CTNND2: variants seen among roughly 807,000 people sequenced by gnomAD.
The protein encoded by CTNND2 is catenin delta 2.
A neutral mutation model predicts 144.4 loss-of-function variants in CTNND2; 22 were observed. The observed-to-expected ratio is 0.15, with a 90% CI of 0.11 to 0.22. The LOEUF is 0.22. CTNND2 is among the 10% of genes least tolerant of loss of function. The pLI, the probability that CTNND2 is intolerant of heterozygous loss-of-function variation, is 1.00. For missense variants in CTNND2, 1,353 were observed against 1,618.8 expected (o/e 0.84, Z 2.82); for synonymous variants, 751 against 695.6 (o/e 1.08, Z -1.25).
chr5:11,806,116 A>C (rs939651850), intron 1 of CTNND2, among the ~76,000 whole-genome samples: 3 of 152,186 alleles, frequency 2.0e-5, no homozygotes, highest in African/African-American at 7.2e-5. Context: ...GAAGAGACAA[A>C]AAGACATTAG....
intron 3 of CTNND2, among the ~76,000 whole-genome samples, chr5:11,428,112 C>G (rs1220479547): frequency 6.6e-6 from 1 of 152,062 alleles, no homozygotes; most frequent in African/African-American, 2.4e-5. Flanking sequence ...ATTACCTTCC[C>G]CTGGGTCCCT....
At chr5:11,712,265 T>G (rs1011122213) in intron 2 of CTNND2, among the ~76,000 whole-genome samples, 1 of 152,188 alleles carries the variant, frequency 6.6e-6, no homozygotes, top group Non-Finnish European at 1.5e-5. Context: ...TTTCAGGGTC[T>G]CTGAGCTAAC....
chr5:11,209,193 C>T (rs572515162), intron 10 of CTNND2, among the ~76,000 whole-genome samples: 68 of 152,190 alleles, frequency 4.5e-4, no homozygotes, highest in African/African-American at 1.6e-3. Flanking sequence ...TAGAACATGA[C>T]AAAATGATTC....
intron 2 of CTNND2, among the ~76,000 whole-genome samples, chr5:11,725,665 T>C (rs1786976361): frequency 1.3e-5 from 2 of 152,164 alleles, no homozygotes; most frequent in South Asian, 4.1e-4. Context: ...TCATAAAACA[T>C]ATTGAGCAAA....
chr5:11,278,567 A>T (rs375048105), intron 9 of CTNND2, among the ~76,000 whole-genome samples: 1 of 152,186 alleles, frequency 6.6e-6, no homozygotes, highest in South Asian at 2.1e-4. Flanking sequence ...CTCAGTGAGG[A>T]TGTGACATTT....
chr5:11,574,973 C>T (rs1000549078), intron 2 of CTNND2, among the ~76,000 whole-genome samples: 4 of 152,130 alleles, frequency 2.6e-5, no homozygotes, highest in Admixed American at 6.6e-5. Context: ...TTCCTTGTTC[C>T]TCAAGTCTAG....
At chr5:11,451,958 C>G (rs1052325924) in intron 3 of CTNND2, among the ~76,000 whole-genome samples, 2 of 152,234 alleles carry the variant, frequency 1.3e-5, no homozygotes, top group Admixed American at 6.5e-5. Flanking sequence ...CCAAAGTCCA[C>G]TTTCCTCTGC....
At position 11,315,343 on chromosome 5, in the gene CTNND2, C is replaced by T. The variant is rs10066867; in HGVS notation, c.1628+31029G>A. Among the ~76,000 whole-genome samples the T allele has an allele frequency of 5.0e-3, 752 of 151,886 alleles. 4 individuals carry two copies. The highest frequency in any genetic ancestry group is 0.017 in the African/African-American group (720 of 41,402). ...AGTGAAGATCTCAAATTCTTTTATA[C>T]TCCACATCTGAACAATATTGAAATA... On this transcript the variant is annotated intron_variant, in intron 9 of 21. Transcript: ENST00000304623.
At chr5:11,511,138 T>C (rs1371667867) in intron 3 of CTNND2, among the ~76,000 whole-genome samples, 2 of 152,188 alleles carry the variant, frequency 1.3e-5, no homozygotes, top group Non-Finnish European at 2.9e-5. Context: ...TGAGAGTTGA[T>C]TGGGGTAATT....
intron 3 of CTNND2, among the ~76,000 whole-genome samples, chr5:11,415,558 A>T (rs1384042759): frequency 6.6e-6 from 1 of 152,156 alleles, no homozygotes. Flanking sequence ...GTGAGCTGAG[A>T]TTGCGCCACT....
intron 2 of CTNND2, among the ~76,000 whole-genome samples, chr5:11,591,912 G>A (rs1368332882): frequency 6.6e-6 from 1 of 151,948 alleles, no homozygotes; most frequent in Non-Finnish European, 1.5e-5. Flanking sequence ...GATTGGGGAG[G>A]GGAGCAATTC....
At chr5:11,335,310 C>T (rs1753628472) in intron 9 of CTNND2, among the ~76,000 whole-genome samples, 1 of 152,202 alleles carries the variant, frequency 6.6e-6, no homozygotes, top group South Asian at 2.1e-4. Context: ...TCTCAAGAAG[C>T]AATGGAAATT....
At chr5:11,610,273 A>G (rs1411616263) in intron 2 of CTNND2, among the ~76,000 whole-genome samples, 1 of 152,182 alleles carries the variant, frequency 6.6e-6, no homozygotes, top group Non-Finnish European at 1.5e-5. Context: ...AATGTCATCA[A>G]GGAAATAACA....
At position 11,770,706 on chromosome 5, in the gene CTNND2, G is replaced by A. The variant is rs945706705; in HGVS notation, c.38-38434C>T. On this transcript the variant is annotated intron_variant, in intron 1 of 21. Transcript: ENST00000304623. ...GTCCTGGGACTGTTGGATTTGGGGC[G>A]CAAAGGAGTCAGCCAATCCTTCTTC... is the stretch of plus-strand genomic sequence containing the variant. 2.6e-4 allele frequency among the ~76,000 whole-genome samples: 39 copies of A among 152,116 alleles called. 1 individual carries two copies. The highest frequency in any genetic ancestry group is 3.9e-4 in the East Asian group (2 of 5,180).
At chr5:11,077,026 T>C (rs1194058378) in intron 16 of CTNND2, among the ~76,000 whole-genome samples, 3 of 152,168 alleles carry the variant, frequency 2.0e-5, no homozygotes, top group East Asian at 3.8e-4. Flanking sequence ...AAAACCCCCC[T>C]TTTTTAAGTT....
At chr5:11,463,242 C>T (rs1033023501) in intron 3 of CTNND2, among the ~76,000 whole-genome samples, 4 of 152,160 alleles carry the variant, frequency 2.6e-5, no homozygotes, top group African/African-American at 4.8e-5. Context: ...TACTTAGAAG[C>T]GTCTTCAGAG....
intron 2 of CTNND2, among the ~76,000 whole-genome samples, chr5:11,728,108 T>C (rs1236668191): frequency 6.6e-6 from 1 of 152,190 alleles, no homozygotes; most frequent in Non-Finnish European, 1.5e-5. Flanking sequence ...CTTTTTAAAT[T>C]CTTCCTTGTG....
rs548671030 is a variant in CTNND2 at position 10,995,692 on chromosome 5, A to C, written c.3085-3015T>G. Among the ~76,000 whole-genome samples, 6 of 152,246 alleles carry C rather than the reference A, an allele frequency of 3.9e-5. No individual in the cohort carries two copies. The East Asian group carries it at 1.2e-3, about 29-fold the overall frequency. ...CTGATGGGAATGACTGAATGCAGAG[A>C]AGGAAAAACCTGGGGACATAGGAGA... On this transcript the variant is annotated intron_variant, in intron 18 of 21. Transcript: ENST00000304623.
At chr5:11,843,808 A>T (rs892349512) in intron 1 of CTNND2, among the ~76,000 whole-genome samples, 6 of 152,210 alleles carry the variant, frequency 3.9e-5, no homozygotes, top group Non-Finnish European at 5.9e-5. Flanking sequence ...TCAGAAAAAA[A>T]CTCATTTTTT....
Sources: allele counts gnomAD v4.1 joint callset (sites outside exome capture counted in the v4.1 genomes callset), GRCh38; gene constraint gnomAD v4.1.1; transcripts MANE v1.5; gene names NCBI Gene and HGNC (gene_info 2026-07-23, HGNC 2026-07-21).